The following CNTN4 variants were observed in gnomAD, a reference collection of about 807,000 sequenced individuals.
The protein encoded by CNTN4 is contactin-4.
CNTN4 carries 77 observed loss-of-function variants against 122.5 expected under a neutral mutation model. The observed-to-expected ratio is 0.63, with a 90% CI of 0.52 to 0.76. The LOEUF (loss-of-function observed/expected upper bound fraction) is 0.76. CNTN4 is among the 30% of genes least tolerant of loss of function. The pLI is 0.00. For synonymous variants in CNTN4, 512 were observed against 447.0 expected, an observed-to-expected ratio of 1.15 and a Z score of -1.83; for missense variants, 1,256 against 1,259.1, an observed-to-expected ratio of 1.00 and a Z score of 0.04.
intron 4 of CNTN4, among the ~76,000 whole-genome samples, chr3:2,680,502 C>T (rs577726424): frequency 2.6e-5 from 4 of 152,160 alleles, no homozygotes; most frequent in Non-Finnish European, 4.4e-5. Flanking sequence ...TGGCAAAACA[C>T]GTTAGAAGAC....
intron 2 of CNTN4, among the ~76,000 whole-genome samples, chr3:2,104,371 G>A (rs2032258673): frequency 6.6e-6 from 1 of 152,094 alleles, no homozygotes; most frequent in African/African-American, 2.4e-5. Context: ...GCTAACATGA[G>A]CAGATAAGCT....
chr3:2,125,428 AC>A, intron 2 of CNTN4, among the ~76,000 whole-genome samples: 1 of 150,776 alleles, frequency 6.6e-6, no homozygotes, highest in Non-Finnish European at 1.5e-5. Context: ...CCATATCTTG[AC>A]TACCGTGAAT....
At chr3:3,046,773 T>G (rs1700707740) in intron 23 of CNTN4, among the ~76,000 whole-genome samples, 1 of 151,148 alleles carries the variant, frequency 6.6e-6, no homozygotes, top group Admixed American at 6.6e-5. Context: ...AATTCACACA[T>G]AACAATATTA....
chr3:2,789,496 G>C (rs1032472356), intron 6 of CNTN4, among the ~76,000 whole-genome samples: 27 of 152,290 alleles, frequency 1.8e-4, no homozygotes, highest in African/African-American at 5.3e-4. Context: ...GCAGTGGCGT[G>C]ATATCAGCTC....
At chr3:2,210,826 G>A (rs888132550) in intron 2 of CNTN4, among the ~76,000 whole-genome samples, 8 of 152,112 alleles carry the variant, frequency 5.3e-5, no homozygotes, top group Middle Eastern at 3.2e-3. Context: ...AAGCAAAGGC[G>A]TTTTGTTATT....
intron 14 of CNTN4, among the ~76,000 whole-genome samples, chr3:3,005,829 TG>T (rs1359695632): frequency 1.3e-5 from 2 of 151,790 alleles, no homozygotes; most frequent in Admixed American, 6.6e-5. Context: ...CATTGGAATT[TG>T]GGGGTTGGGG....
At chr3:2,602,245 C>A (rs974439205) in intron 4 of CNTN4, among the ~76,000 whole-genome samples, 1 of 152,096 alleles carries the variant, frequency 6.6e-6, no homozygotes, top group Non-Finnish European at 1.5e-5. Context: ...CTGGCCAGGG[C>A]AATCAGGCAG....
intron 3 of CNTN4, among the ~76,000 whole-genome samples, chr3:2,472,669 A>G (rs1474114978): frequency 2.0e-5 from 3 of 152,220 alleles, no homozygotes; most frequent in Non-Finnish European, 4.4e-5. Context: ...GGCCTTGACA[A>G]TAGAAGCAAT....
intron 2 of CNTN4, among the ~76,000 whole-genome samples, chr3:2,227,967 A>G (rs2039347550): frequency 6.6e-6 from 1 of 152,202 alleles, no homozygotes; most frequent in Admixed American, 6.5e-5. Context: ...TGATATTAGA[A>G]GTAAAGTATT....
intron 14 of CNTN4, among the ~76,000 whole-genome samples, chr3:3,000,046 A>C (rs1179850254): frequency 6.6e-6 from 1 of 152,232 alleles, no homozygotes; most frequent in African/African-American, 2.4e-5. Context: ...AACAAGATAC[A>C]TCTTAATAGT....
chr3:2,673,557 T>G (rs1389125225), intron 4 of CNTN4, among the ~76,000 whole-genome samples: 1 of 152,098 alleles, frequency 6.6e-6, no homozygotes, highest in East Asian at 1.9e-4. Context: ...TTGTTTTGTT[T>G]CGAGGTGGTG....
At chr3:2,403,844 G>C (rs1407241028) in intron 3 of CNTN4, among the ~76,000 whole-genome samples, 1 of 152,144 alleles carries the variant, frequency 6.6e-6, no homozygotes, top group Non-Finnish European at 1.5e-5. Flanking sequence ...TAGATTTTAA[G>C]AGTTTTTAAT....
chr3:2,908,432 C>T (rs1337983075), intron 12 of CNTN4, among the ~76,000 whole-genome samples: 1 of 152,082 alleles, frequency 6.6e-6, no homozygotes, highest in Non-Finnish European at 1.5e-5. Context: ...CAGGTATCTG[C>T]AATTCACTGA....
chr3:2,647,737 G>C (rs1308900981), intron 4 of CNTN4, among the ~76,000 whole-genome samples: 2 of 152,112 alleles, frequency 1.3e-5, no homozygotes, highest in African/African-American at 4.8e-5. Context: ...TGCAAACTAA[G>C]ACAGGATAGG....
intron 4 of CNTN4, among the ~76,000 whole-genome samples, chr3:2,574,197 CA>C (rs1223810331): frequency 2.0e-5 from 3 of 152,282 alleles, no homozygotes; most frequent in African/African-American, 4.8e-5. Context: ...GCCTGGGCAA[CA>C]AGAGTGAAAC....
intron 2 of CNTN4, among the ~76,000 whole-genome samples, chr3:2,149,057 G>T (rs74396673): frequency 4.0e-5 from 6 of 151,744 alleles, no homozygotes; most frequent in African/African-American, 1.5e-4. Context: ...TAATTGTATC[G>T]AGTTTTATAT....
intron 4 of CNTN4, among the ~76,000 whole-genome samples, chr3:2,609,799 A>G (rs896593053): frequency 8.5e-5 from 13 of 152,222 alleles, no homozygotes; most frequent in African/African-American, 2.9e-4. Context: ...ATTCCATTTT[A>G]TAATTTTCAA....
intron 4 of CNTN4, among the ~76,000 whole-genome samples, chr3:2,670,455 C>G (rs556721316): frequency 2.0e-4 from 30 of 152,270 alleles, no homozygotes; most frequent in African/African-American, 7.2e-4. Context: ...GGTAGATCTT[C>G]CTCCATCCCT....
chr3:2,789,194 T>G (rs1281174835), intron 6 of CNTN4, among the ~76,000 whole-genome samples: 3 of 152,170 alleles, frequency 2.0e-5, no homozygotes, highest in African/African-American at 7.2e-5. Flanking sequence ...ATTGTGGAGG[T>G]TGAAATTTTG....
Sources: allele counts gnomAD v4.1 joint callset (sites outside exome capture counted in the v4.1 genomes callset), GRCh38; gene constraint gnomAD v4.1.1; transcripts MANE v1.5; gene names NCBI Gene and HGNC (gene_info 2026-07-23, HGNC 2026-07-21).